The following CLSTN2 variants were observed in gnomAD, a reference collection of about 807,000 sequenced individuals.
CLSTN2 encodes calsyntenin-2.
Under a neutral mutation model 101.2 loss-of-function variants are expected in CLSTN2, and 48 were observed. The ratio of observed to expected loss-of-function variants is 0.47; its 90% confidence interval spans 0.38 to 0.60. The LOEUF (loss-of-function observed/expected upper bound fraction) is 0.60. Among genes scored for constraint, CLSTN2 ranks in the 20% least tolerant of loss-of-function variants. The pLI, the probability that CLSTN2 is intolerant of heterozygous loss-of-function variation, is 0.00. For missense variants in CLSTN2, 1,160 were observed against 1,238.2 expected (o/e 0.94, Z 0.95); for synonymous variants, 481 against 463.6 (o/e 1.04, Z -0.48).
chr3:140,117,180 G>C (rs1265037163), intron 1 of CLSTN2, among the ~76,000 whole-genome samples: 10 of 152,072 alleles, frequency 6.6e-5, no homozygotes, highest in Admixed American at 6.6e-4. Context: ...GCATTCCTCT[G>C]CCTTCTCCAC....
chr3:140,532,699 G>A (rs189581493), intron 9 of CLSTN2, among the ~76,000 whole-genome samples: 9 of 152,280 alleles, frequency 5.9e-5, no homozygotes, highest in Admixed American at 4.6e-4. Context: ...TTGATTTTTA[G>A]ATCGACATGA....
chr3:140,075,306 G>A (rs1576418079), intron 1 of CLSTN2, among the ~76,000 whole-genome samples: 1 of 151,882 alleles, frequency 6.6e-6, no homozygotes, highest in Non-Finnish European at 1.5e-5. Context: ...CTTCACTTAA[G>A]TCTCTGCATT....
chr3:140,507,842 C>A (rs1312361115), intron 8 of CLSTN2: 2 of 152,164 alleles, frequency 1.3e-5, no homozygotes, highest in East Asian at 3.8e-4. Flanking sequence ...CCAATAAATA[C>A]CTATTTAATA....
intron 1 of CLSTN2, among the ~76,000 whole-genome samples, chr3:140,069,174 A>T (rs996277286): frequency 6.6e-6 from 1 of 152,200 alleles, no homozygotes; most frequent in East Asian, 1.9e-4. Flanking sequence ...TCCTATCCTC[A>T]TTCTCAGTAC....
At chr3:140,127,728 A>T (rs1004206327) in intron 1 of CLSTN2, among the ~76,000 whole-genome samples, 4 of 152,144 alleles carry the variant, frequency 2.6e-5, no homozygotes, top group Non-Finnish European at 5.9e-5. Flanking sequence ...AGGCTGGAAT[A>T]AGAATAGGAC....
intron 4 of CLSTN2, among the ~76,000 whole-genome samples, chr3:140,417,838 A>G (rs1374030068): frequency 1.3e-5 from 2 of 152,254 alleles, no homozygotes; most frequent in Admixed American, 6.5e-5. Flanking sequence ...TCACAATACT[A>G]TACCCTCAGT....
intron 2 of CLSTN2, among the ~76,000 whole-genome samples, chr3:140,282,481 G>C (rs1470746998): frequency 1.3e-5 from 2 of 152,212 alleles, no homozygotes; most frequent in Non-Finnish European, 2.9e-5. Flanking sequence ...GACCTGGTGA[G>C]GCAGAGCTTC....
chr3:139,987,177 A>G (rs1936038964), intron 1 of CLSTN2, among the ~76,000 whole-genome samples: 4 of 152,148 alleles, frequency 2.6e-5, no homozygotes, highest in Admixed American at 2.6e-4. Flanking sequence ...CTTTCTGCTC[A>G]TATAACTTAA....
intron 2 of CLSTN2, among the ~76,000 whole-genome samples, chr3:140,291,322 T>A (rs2086950200): frequency 6.6e-6 from 1 of 151,720 alleles, no homozygotes; most frequent in Non-Finnish European, 1.5e-5. Context: ...CCCTTCCTAA[T>A]ATGTATCTGA....
At chr3:140,451,801 C>T (rs1933258539) in intron 6 of CLSTN2, among the ~76,000 whole-genome samples, 1 of 152,160 alleles carries the variant, frequency 6.6e-6, no homozygotes, top group African/African-American at 2.4e-5. Context: ...AGACAAGCTT[C>T]TTGCTGGGCT....
At chr3:140,108,492 T>A (rs1031775190) in intron 1 of CLSTN2, among the ~76,000 whole-genome samples, 1 of 152,222 alleles carries the variant, frequency 6.6e-6, no homozygotes, top group Admixed American at 6.5e-5. Flanking sequence ...GTTCCTTACC[T>A]GTAAACCTGC....
At position 140,036,119 on chromosome 3, in the gene CLSTN2, G is replaced by T. The variant is rs186413669; in HGVS notation, c.109+100636G>T. Among the ~76,000 whole-genome samples the T allele has an allele frequency of 2.6e-5, 4 of 152,310 alleles. No homozygotes were observed. The East Asian group carries it at 7.7e-4, about 29-fold the overall frequency. ...CCAGAAATCTGTGAGCTCTGCAGGG[G>T]CAGGGGCAGCATTCATTTGCTTGCC... On this transcript the variant is annotated intron_variant, in intron 1 of 16. Transcript: ENST00000458420.
chr3:140,016,646 A>G, intron 1 of CLSTN2, among the ~76,000 whole-genome samples: 1 of 152,000 alleles, frequency 6.6e-6, no homozygotes, highest in East Asian at 1.9e-4. Context: ...TAAAAATACA[A>G]AAATTAGCTG....
At position 140,404,785 on chromosome 3, in the gene CLSTN2, C is replaced by T. The variant is rs779441993; in HGVS notation, c.637+19C>T. On this transcript the variant is annotated intron_variant, in intron 4 of 16. Coordinates refer to ENST00000458420, the MANE Select transcript of CLSTN2 (RefSeq NM_022131.3). ...AGAAATGGTGAGTGACCTCAGAGGA[C>T]CCCTGTGGGGTCAGGAAAACAAATC... 1.2e-6 allele frequency: 2 copies of T among 1,605,552 alleles called. No homozygotes were observed. Among genetic ancestry groups the T allele is most frequent in the Non-Finnish European group, 1.7e-6 (2 of 1,172,174 alleles).
intron 2 of CLSTN2, among the ~76,000 whole-genome samples, chr3:140,339,261 C>T (rs1355629787): frequency 6.6e-6 from 1 of 152,142 alleles, no homozygotes; most frequent in Non-Finnish European, 1.5e-5. Context: ...AATCCTTCCC[C>T]CATGACCAGT....
chr3:139,944,939 G>T (rs772617778), intron 1 of CLSTN2, among the ~76,000 whole-genome samples: 2 of 152,150 alleles, frequency 1.3e-5, no homozygotes, highest in African/African-American at 4.8e-5. Context: ...CAGTCAGGCC[G>T]GCAGATACCA....
chr3:140,316,463 C>T (rs2087232293), intron 2 of CLSTN2, among the ~76,000 whole-genome samples: 1 of 152,200 alleles, frequency 6.6e-6, no homozygotes, highest in African/African-American at 2.4e-5. Context: ...TGCCCACACT[C>T]TTGCAATTAT....
chr3:140,148,420 G>A (rs1425038998), intron 1 of CLSTN2, among the ~76,000 whole-genome samples: 2 of 152,158 alleles, frequency 1.3e-5, no homozygotes, highest in East Asian at 3.8e-4. Flanking sequence ...ACTCACTGTG[G>A]TTAGTTTGGA....
intron 1 of CLSTN2, among the ~76,000 whole-genome samples, chr3:140,113,756 T>C (rs1371386572): frequency 1.3e-5 from 2 of 152,328 alleles, no homozygotes; most frequent in African/African-American, 2.4e-5. Context: ...TTGGATACTT[T>C]GTGCAAAATT....
Sources: allele counts gnomAD v4.1 joint callset (sites outside exome capture counted in the v4.1 genomes callset), GRCh38; gene constraint gnomAD v4.1.1; transcripts MANE v1.5; gene names NCBI Gene and HGNC (gene_info 2026-07-23, HGNC 2026-07-21).